Variants in MRTFA observed in about 807,000 individuals in gnomAD.
MRTFA encodes myocardin related transcription factor A, also known as myocardin-related transcription factor A.
In MRTFA, 20 loss-of-function variants were observed where a neutral mutation model predicts 83.5. That is an observed-to-expected ratio of 0.24 (90% CI 0.17 to 0.35). The LOEUF (loss-of-function observed/expected upper bound fraction) is 0.35. Among genes scored for constraint, MRTFA ranks in the 10% least tolerant of loss-of-function variants. The pLI, the probability that MRTFA is intolerant of heterozygous loss-of-function variation, is 1.00. For synonymous variants in MRTFA, 659 were observed against 541.2 expected (o/e 1.22, Z -3.02); for missense variants, 1,200 against 1,224.7 (o/e 0.98, Z 0.30).
intron 3 of MRTFA, among the ~76,000 whole-genome samples, chr22:40,463,804 G>C (rs1054338627): frequency 2.0e-5 from 3 of 151,988 alleles, no homozygotes; most frequent in African/African-American, 7.3e-5. Flanking sequence ...CCTTTTTCTA[G>C]CCTAGAAAAT....
At chr22:40,473,128 TAC>T (rs1422554661) in intron 3 of MRTFA, among the ~76,000 whole-genome samples, 1 of 152,156 alleles carries the variant, frequency 6.6e-6, no homozygotes, top group Non-Finnish European at 1.5e-5. Flanking sequence ...CTCTTTTATA[TAC>T]AGTGTAGTAC....
intron 1 of MRTFA, among the ~76,000 whole-genome samples, chr22:40,634,758 A>G (rs1404923784): frequency 6.6e-6 from 1 of 152,212 alleles, no homozygotes; most frequent in African/African-American, 2.4e-5. Flanking sequence ...CGGGTGACCC[A>G]AACTTTATGG....
At chr22:40,491,720 T>A (rs1300928947) in intron 3 of MRTFA, among the ~76,000 whole-genome samples, 3 of 152,148 alleles carry the variant, frequency 2.0e-5, no homozygotes, top group African/African-American at 7.2e-5. Context: ...CTTGGCTATA[T>A]GAGCTCTGCA....
At position 40,411,219 on chromosome 22, in the gene MRTFA, C is replaced by T; in HGVS notation, c.*171G>A. On this transcript the variant is annotated 3_prime_UTR_variant, in exon 15 of 15. Transcript: ENST00000355630. ...CTGCTCTCCTCTGCCCTGCGTGGCA[C>T]TGAACCAGGAGTAAGGGCTTCTCTG... 1.5e-6 allele frequency: 1 copy of T among 673,412 alleles called. No individual in the cohort carries two copies. Among genetic ancestry groups the T allele is most frequent in the Middle Eastern group, 4.4e-4 (1 of 2,280 alleles). 41.7% of individuals were successfully genotyped at this position (673,412 alleles called of 1,614,324 possible). A position where few individuals can be genotyped will look rare whatever the true frequency, so the allele number is the denominator to read the frequency against.
chr22:40,614,237 T>TA (rs963509792), intron 1 of MRTFA, among the ~76,000 whole-genome samples: 34 of 148,668 alleles, frequency 2.3e-4, no homozygotes, highest in East Asian at 2.2e-3. Context: ...AAATAAAAAA[T>TA]AAAAAAAAAT....
At chr22:40,553,104 T>C (rs551247919) in intron 2 of MRTFA, among the ~76,000 whole-genome samples, 2 of 152,318 alleles carry the variant, frequency 1.3e-5, no homozygotes, top group East Asian at 1.9e-4. Flanking sequence ...CTGTGGAACT[T>C]TGAACTTGAG....
At chr22:40,505,452 T>C (rs1468736547) in intron 3 of MRTFA, among the ~76,000 whole-genome samples, 4 of 152,218 alleles carry the variant, frequency 2.6e-5, no homozygotes, top group South Asian at 2.1e-4. Context: ...AGAATTGCTA[T>C]TGGAGTTAAA....
Position 40,553,657 on chromosome 22 carries a change from G to C in MRTFA, c.-21-1290C>G, listed in dbSNP as rs949966667. On this transcript the variant is annotated intron_variant, in intron 2 of 14. Coordinates refer to ENST00000355630, the MANE Select transcript of MRTFA (RefSeq NM_020831.6). ...GTCCACGCAGAAGTTTGCTACAGGG[G>C]TACAGCTCTCATGGAGAACCTCTAC... Among the ~76,000 whole-genome samples, 3 of 152,182 alleles carry C rather than the reference G, an allele frequency of 2.0e-5. No homozygotes were observed. In the South Asian group the frequency reaches 6.2e-4, roughly 32 times the overall value.
intron 3 of MRTFA, among the ~76,000 whole-genome samples, chr22:40,492,996 A>G (rs1037059187): frequency 6.6e-6 from 1 of 152,246 alleles, no homozygotes; most frequent in Non-Finnish European, 1.5e-5. Context: ...AGAGTCAGAG[A>G]TAATATATTG....
intron 1 of MRTFA, among the ~76,000 whole-genome samples, chr22:40,631,930 G>A (rs940415811): frequency 3.3e-5 from 5 of 151,700 alleles, no homozygotes; most frequent in African/African-American, 7.3e-5. Context: ...ACCCACTGTC[G>A]TGGCCAGCCT....
intron 4 of MRTFA, among the ~76,000 whole-genome samples, chr22:40,457,438 GAA>G (rs1816140217): frequency 2.4e-5 from 2 of 84,524 alleles, no homozygotes; most frequent in African/African-American, 1.1e-4. Context: ...GAAAGAAAGA[GAA>G]AGAAAGAAAG....
At chr22:40,438,862 A>T (rs1315590286) in intron 4 of MRTFA, among the ~76,000 whole-genome samples, 1 of 152,186 alleles carries the variant, frequency 6.6e-6, no homozygotes, top group Admixed American at 6.5e-5. Context: ...CTCAGGAATA[A>T]GGAAGGATTA....
At chr22:40,564,756 T>G (rs902083714) in intron 2 of MRTFA, among the ~76,000 whole-genome samples, 3 of 152,048 alleles carry the variant, frequency 2.0e-5, no homozygotes, top group Non-Finnish European at 4.4e-5. Context: ...GGGTTCAAGC[T>G]TTCTCCTGCC....
chr22:40,414,782 T>C (rs373952135), intron 14 of MRTFA, among the ~76,000 whole-genome samples: 1 of 152,186 alleles, frequency 6.6e-6, no homozygotes, highest in Non-Finnish European at 1.5e-5. Flanking sequence ...CTGGAGCGGA[T>C]AGGGGTGACA....
At chr22:40,435,649 C>T in intron 4 of MRTFA, 95 bp from the exon 5 acceptor site, 2 of 1,418,174 alleles carry the variant, frequency 1.4e-6, no homozygotes, top group South Asian at 2.3e-5. Flanking sequence ...ATTCATGTTA[C>T]TGGCTGGGCG....
At chr22:40,597,032 C>G (rs1475651186) in intron 1 of MRTFA, among the ~76,000 whole-genome samples, 2 of 152,058 alleles carry the variant, frequency 1.3e-5, no homozygotes, top group Non-Finnish European at 2.9e-5. Flanking sequence ...CTCTCATGCT[C>G]TCATAGCATC....
Position 40,435,488 on chromosome 22 carries a change from A to G in MRTFA, c.363+11T>C, listed in dbSNP as rs189504793. The G allele has an allele frequency of 1.9e-6, 3 of 1,614,052 alleles. No homozygotes were observed. Among genetic ancestry groups the G allele is most frequent in the Admixed American group, 1.7e-5 (1 of 60,028 alleles). On this transcript the variant is annotated intron_variant, in intron 5 of 14. Transcript: ENST00000355630. ...CTTTGGGAGTTCTGAGGGGGAAAAAAGGTACCTTACCCTGGCCCGCTCCAA... is the reference window on the plus strand; with the variant it reads ...CTTTGGGAGTTCTGAGGGGGAAAAAGGGTACCTTACCCTGGCCCGCTCCAA...
intron 3 of MRTFA, among the ~76,000 whole-genome samples, chr22:40,486,207 G>A (rs188804744): frequency 6.6e-6 from 1 of 152,114 alleles, no homozygotes; most frequent in East Asian, 1.9e-4. Context: ...TTATCATCAA[G>A]GCTTCTCCCA....
intron 2 of MRTFA, chr22:40,586,990 G>T: frequency 2.2e-6 from 1 of 461,780 alleles, no homozygotes. Context: ...TTGCTGGCCT[G>T]GCAAAGCCTG....
Sources: gnomAD v4.1 joint callset for allele counts (sites outside exome capture counted in the v4.1 genomes callset) on GRCh38, gnomAD v4.1.1 for gene constraint, MANE v1.5 for transcripts, NCBI Gene and HGNC (gene_info 2026-07-23, HGNC 2026-07-21) for gene names.